The following NXPE2 variants were observed in gnomAD, a reference collection of about 807,000 sequenced individuals.
NXPE2 encodes neurexophilin and PC-esterase domain family member 2.
A neutral mutation model predicts 34.4 loss-of-function variants in NXPE2; 34 were observed. The ratio of observed to expected loss-of-function variants is 0.99; its 90% CI spans 0.75 to 1.31. The LOEUF is 1.31. Ranked by LOEUF, NXPE2 falls within the 40% of genes most tolerant of loss-of-function variation. The pLI, the probability that NXPE2 is intolerant of heterozygous loss-of-function variation, is 0.00. For missense variants in NXPE2, 649 were observed against 672.5 expected (o/e 0.97, Z 0.39); for synonymous variants, 235 against 231.3 (o/e 1.02, Z -0.15).
At chr11:114,517,317 C>T in the NXPE2 span, among the ~76,000 whole-genome samples, 2 of 152,250 alleles carry the variant, frequency 1.3e-5, no homozygotes, top group East Asian at 1.9e-4. Context: ...AATGTCAGCT[C>T]CACATCCCTC....
chr11:114,755,005 C>A, the NXPE2 span, among the ~76,000 whole-genome samples: 2 of 152,086 alleles, frequency 1.3e-5, no homozygotes, highest in East Asian at 3.9e-4. Flanking sequence ...AAGTAAGTTG[C>A]GATCTATGAG....
At chr11:114,508,766 TA>T in the NXPE2 span, among the ~76,000 whole-genome samples, 1 of 152,180 alleles carries the variant, frequency 6.6e-6, no homozygotes, top group African/African-American at 2.4e-5. Context: ...AAACCATCTT[TA>T]AATGTAAAAC....
At chr11:114,600,901 C>A in the NXPE2 span, among the ~76,000 whole-genome samples, 1 of 151,952 alleles carries the variant, frequency 6.6e-6, no homozygotes, top group Non-Finnish European at 1.5e-5. Flanking sequence ...GAATTAAAAA[C>A]CTTTTCAAAT....
At chr11:114,534,796 T>C in the NXPE2 span, among the ~76,000 whole-genome samples, 1 of 152,332 alleles carries the variant, frequency 6.6e-6, no homozygotes, top group South Asian at 2.1e-4. Context: ...AGACCAAATC[T>C]ACGTCTAATT....
the NXPE2 span, among the ~76,000 whole-genome samples, chr11:114,537,199 A>T: frequency 2.0e-5 from 3 of 152,352 alleles, no homozygotes; most frequent in South Asian, 2.1e-4. Context: ...ATCTCAATAG[A>T]TGCAGAAAGG....
At chr11:114,790,356 G>A in the NXPE2 span, among the ~76,000 whole-genome samples, 9 of 152,104 alleles carry the variant, frequency 5.9e-5, no homozygotes, top group Non-Finnish European at 1.5e-5. Flanking sequence ...GTACATTTGG[G>A]AAGACGCACA....
chr11:114,784,017 C>G, the NXPE2 span, among the ~76,000 whole-genome samples: 2 of 152,176 alleles, frequency 1.3e-5, no homozygotes, highest in Admixed American at 6.5e-5. Context: ...GTGTGCCAGG[C>G]ATGTTCTAAT....
chr11:114,473,096 A>T, the NXPE2 span, among the ~76,000 whole-genome samples: 2 of 152,216 alleles, frequency 1.3e-5, no homozygotes, highest in Non-Finnish European at 2.9e-5. Flanking sequence ...TGAGAAAAGA[A>T]ATATTAGATG....
the NXPE2 span, chr11:114,530,217 T>C: frequency 6.2e-7 from 1 of 1,613,052 alleles, no homozygotes; most frequent in Non-Finnish European, 8.5e-7. Flanking sequence ...ATAAGATACC[T>C]CTCTATTCCG....
At chr11:114,768,635 TA>T in the NXPE2 span, among the ~76,000 whole-genome samples, 1 of 152,196 alleles carries the variant, frequency 6.6e-6, no homozygotes, top group Non-Finnish European at 1.5e-5. Context: ...ACATCCCTTG[TA>T]AGTTGTATTC....
the NXPE2 span, among the ~76,000 whole-genome samples, chr11:114,579,338 G>C: frequency 6.6e-6 from 1 of 152,200 alleles, no homozygotes; most frequent in South Asian, 2.1e-4. Flanking sequence ...CTCCAGTGTT[G>C]GAGATCATGT....
At chr11:114,640,859 T>C in the NXPE2 span, among the ~76,000 whole-genome samples, 1 of 152,074 alleles carries the variant, frequency 6.6e-6, no homozygotes, top group African/African-American at 2.4e-5. Context: ...TATTAGTCAT[T>C]TGTCAAATGT....
chr11:114,654,688 T>A, the NXPE2 span, among the ~76,000 whole-genome samples: 1 of 152,216 alleles, frequency 6.6e-6, no homozygotes, highest in South Asian at 2.1e-4. Flanking sequence ...CCATGGTGTA[T>A]ATATACCATA....
the NXPE2 span, among the ~76,000 whole-genome samples, chr11:114,617,283 T>A: frequency 6.6e-6 from 1 of 152,224 alleles, no homozygotes; most frequent in South Asian, 2.1e-4. Flanking sequence ...GCCTCGTGGA[T>A]AACCACCATT....
the NXPE2 span, among the ~76,000 whole-genome samples, chr11:114,797,508 C>A: frequency 6.6e-6 from 1 of 152,176 alleles, no homozygotes; most frequent in African/African-American, 2.4e-5. Context: ...TCACAGCAGG[C>A]ATTTTGGCAC....
chr11:114,554,850 G>A, the NXPE2 span, among the ~76,000 whole-genome samples: 436 of 152,202 alleles, frequency 2.9e-3, no homozygotes, highest in African/African-American at 9.2e-3. Context: ...AGGTTCACAG[G>A]CCTCCTAAAC....
At chr11:114,733,389 G>C in the NXPE2 span, among the ~76,000 whole-genome samples, 1 of 152,136 alleles carries the variant, frequency 6.6e-6, no homozygotes, top group African/African-American at 2.4e-5. Flanking sequence ...CACCGTGCCC[G>C]GCCTAATATT....
the NXPE2 span, among the ~76,000 whole-genome samples, chr11:114,712,367 T>C: frequency 6.6e-6 from 1 of 152,178 alleles, no homozygotes; most frequent in Admixed American, 6.5e-5. Context: ...ACCAACAGTA[T>C]GGGAAGAAAT....
the NXPE2 span, among the ~76,000 whole-genome samples, chr11:114,543,519 T>TAAA: frequency 6.8e-6 from 1 of 146,956 alleles, no homozygotes; most frequent in South Asian, 2.1e-4. Context: ...AGACCCTGTT[T>TAAA]AAAAAAAAAA....
Sources: gnomAD v4.1 joint callset for allele counts (sites outside exome capture counted in the v4.1 genomes callset) on GRCh38, gnomAD v4.1.1 for gene constraint, MANE v1.5 for transcripts, NCBI Gene and HGNC (gene_info 2026-07-23, HGNC 2026-07-21) for gene names.